The following GALNT13 variants were observed in gnomAD, a reference collection of about 807,000 sequenced individuals.
The protein encoded by GALNT13 is polypeptide N-acetylgalactosaminyltransferase 13.
In GALNT13, 28 loss-of-function variants were observed where a neutral mutation model predicts 64.2. That is an observed-to-expected ratio of 0.44 (90% confidence interval 0.32 to 0.60). The LOEUF is 0.60. Ranked by LOEUF, GALNT13 falls within the 20% of genes least tolerant of loss-of-function variation. The pLI is 0.05. For synonymous variants in GALNT13, 214 were observed against 224.6 expected (o/e 0.95, Z 0.42); for missense variants, 577 against 669.8 (o/e 0.86, Z 1.53).
At chr2:154,130,781 A>G (rs934889874) in intron 3 of GALNT13, among the ~76,000 whole-genome samples, 2 of 152,194 alleles carry the variant, frequency 1.3e-5, no homozygotes, top group Admixed American at 6.5e-5. Context: ...ATATTTTTCA[A>G]ACATGATGAA....
intron 8 of GALNT13, among the ~76,000 whole-genome samples, chr2:154,262,503 G>C (rs1401801458): frequency 1.3e-5 from 2 of 152,176 alleles, no homozygotes; most frequent in Non-Finnish European, 2.9e-5. Context: ...CAGCAGTTAG[G>C]TCTTAATGCT....
chr2:153,568,569 A>G, the GALNT13 span, among the ~76,000 whole-genome samples: 2 of 152,170 alleles, frequency 1.3e-5, 1 homozygote, highest in Admixed American at 1.3e-4. Context: ...TTTATGCTTC[A>G]CTGAATAAAA....
chr2:153,338,116 C>T, the GALNT13 span, among the ~76,000 whole-genome samples: 20 of 150,860 alleles, frequency 1.3e-4, no homozygotes, highest in Admixed American at 1.3e-3. Flanking sequence ...TTTATTGAGG[C>T]CCCCATCTCT....
the GALNT13 span, among the ~76,000 whole-genome samples, chr2:153,580,497 A>C: frequency 6.6e-6 from 1 of 152,184 alleles, no homozygotes. Flanking sequence ...ACGCCAAGAC[A>C]ATGCAGTATG....
the GALNT13 span, among the ~76,000 whole-genome samples, chr2:153,650,152 A>T: frequency 3.9e-5 from 6 of 152,236 alleles, no homozygotes; most frequent in Admixed American, 3.9e-4. Flanking sequence ...GTGCTTCTGT[A>T]TTGGGTGAAT....
At chr2:153,734,256 A>G in the GALNT13 span, among the ~76,000 whole-genome samples, 1 of 152,152 alleles carries the variant, frequency 6.6e-6, no homozygotes. Flanking sequence ...CATGTGTTAT[A>G]ATGAATACAT....
At chr2:154,145,471 G>A (rs1217502438) in intron 4 of GALNT13, among the ~76,000 whole-genome samples, 1 of 151,874 alleles carries the variant, frequency 6.6e-6, no homozygotes, top group Non-Finnish European at 1.5e-5. Context: ...AAGTCCTTTA[G>A]CATTTACTTG....
At chr2:153,942,517 T>C (rs1290890355) in intron 2 of GALNT13, among the ~76,000 whole-genome samples, 2 of 152,182 alleles carry the variant, frequency 1.3e-5, no homozygotes, top group Non-Finnish European at 2.9e-5. Context: ...GAAATAAATA[T>C]GGGATAATCA....
the GALNT13 span, among the ~76,000 whole-genome samples, chr2:153,370,397 C>A: frequency 6.6e-6 from 1 of 152,004 alleles, no homozygotes; most frequent in Non-Finnish European, 1.5e-5. Context: ...CCCTCATGAA[C>A]CCAGATACAA....
At chr2:153,482,065 C>T in the GALNT13 span, among the ~76,000 whole-genome samples, 1 of 152,064 alleles carries the variant, frequency 6.6e-6, no homozygotes, top group South Asian at 2.1e-4. Flanking sequence ...GTTTATTGAA[C>T]CACCAAAATA....
the GALNT13 span, among the ~76,000 whole-genome samples, chr2:153,121,147 A>G: frequency 6.6e-6 from 1 of 152,194 alleles, no homozygotes; most frequent in Non-Finnish European, 1.5e-5. Context: ...GAAGAGTTTC[A>G]TTTGAGCTGT....
chr2:154,422,528 G>GA (rs922520485), intron 11 of GALNT13, among the ~76,000 whole-genome samples: 2 of 152,144 alleles, frequency 1.3e-5, no homozygotes, highest in African/African-American at 4.8e-5. Flanking sequence ...ATTTCGAATA[G>GA]AAAATCTTAG....
the GALNT13 span, among the ~76,000 whole-genome samples, chr2:153,258,002 G>T: frequency 2.6e-5 from 4 of 152,192 alleles, no homozygotes; most frequent in East Asian, 7.8e-4. Context: ...ACAGGCCCAG[G>T]AGCCCCAAAT....
chr2:153,363,321 A>G, the GALNT13 span, among the ~76,000 whole-genome samples: 2 of 152,178 alleles, frequency 1.3e-5, no homozygotes, highest in Admixed American at 6.5e-5. Flanking sequence ...TGCAATGAAA[A>G]GAACTAGAAA....
At chr2:154,342,697 CTATA>C (rs1348955689) in intron 9 of GALNT13, among the ~76,000 whole-genome samples, 3 of 151,958 alleles carry the variant, frequency 2.0e-5, no homozygotes, top group African/African-American at 7.2e-5. Context: ...ACAACAGAGA[CTATA>C]TGTCTCACAA....
At position 154,345,244 on chromosome 2, in the gene GALNT13, T is replaced by C. The variant is rs548143154; in HGVS notation, c.1156+43655T>C. On this transcript the variant is annotated intron_variant, in intron 9 of 12. Coordinates refer to ENST00000392825, the MANE Select transcript of GALNT13 (RefSeq NM_052917.4). The stretch of plus-strand genomic sequence containing the variant: ...GACCTCTTAGTAGCTGGAAAGTTCA[T>C]AATAATCCTGAAACATGTAGAACAA... 2.0e-5 allele frequency among the ~76,000 whole-genome samples: 3 copies of C among 152,130 alleles called. No homozygotes were observed. In the South Asian group the frequency reaches 6.2e-4, roughly 31 times the overall value.
At chr2:153,622,989 G>A in the GALNT13 span, among the ~76,000 whole-genome samples, 2 of 152,078 alleles carry the variant, frequency 1.3e-5, no homozygotes, top group South Asian at 2.1e-4. Context: ...TGTAAGGTCT[G>A]TGATAATACA....
chr2:153,667,036 T>C, the GALNT13 span, among the ~76,000 whole-genome samples: 1 of 152,002 alleles, frequency 6.6e-6, no homozygotes, highest in Non-Finnish European at 1.5e-5. Flanking sequence ...GGAAAGAATC[T>C]CAGTGCTCAG....
the GALNT13 span, among the ~76,000 whole-genome samples, chr2:153,569,516 C>CT: frequency 0.058 from 4,410 of 75,628 alleles, 142 homozygotes; most frequent in African/African-American, 0.11. Flanking sequence ...CCTTTTTATT[C>CT]TTTTTTTTTT....
Sources: allele counts gnomAD v4.1 joint callset (sites outside exome capture counted in the v4.1 genomes callset), GRCh38; gene constraint gnomAD v4.1.1; transcripts MANE v1.5; gene names NCBI Gene and HGNC (gene_info 2026-07-23, HGNC 2026-07-21).